Variants in DPRX observed in about 807,000 individuals in gnomAD.
DPRX encodes divergent-paired related homeobox, also known as divergent paired-related homeobox.
Under a neutral mutation model 8.4 loss-of-function variants are expected in DPRX, and 11 were observed. That is an observed-to-expected ratio of 1.31 (90% CI 0.82 to 2.17). The LOEUF is 2.17. DPRX is among the 30% of genes most tolerant of loss of function. DPRX has a pLI of 0.00. For synonymous variants in DPRX, 72 were observed against 87.0 expected, an observed-to-expected ratio of 0.83 and a Z score of 0.96; for missense variants, 211 against 236.7, an observed-to-expected ratio of 0.89 and a Z score of 0.71.
chr19:53,619,689 A>C, the DPRX span, among the ~76,000 whole-genome samples: 1 of 136,742 alleles, frequency 7.3e-6, no homozygotes, highest in Non-Finnish European at 1.7e-5. Context: ...AAAAAAAAAA[A>C]CAAAAAACAG....
At chr19:53,635,065 C>T (rs183009679) in intron 2 of DPRX, among the ~76,000 whole-genome samples, 20 of 152,200 alleles carry the variant, frequency 1.3e-4, no homozygotes, top group Admixed American at 9.2e-4. Context: ...CTCGACCTCC[C>T]GGGCTCAAGC....
the DPRX span, among the ~76,000 whole-genome samples, chr19:53,605,812 G>A: frequency 8.7e-4 from 132 of 151,964 alleles, no homozygotes; most frequent in East Asian, 3.9e-3. Context: ...CTACAGGCAC[G>A]TTCCAGCATG....
chr19:53,627,257 T>G (rs542065888), upstream of DPRX, among the ~76,000 whole-genome samples: 1 of 152,140 alleles, frequency 6.6e-6, no homozygotes, highest in African/African-American at 2.4e-5. Context: ...TAAACTTTGT[T>G]CATTCAAGTC....
At chr19:53,631,066 C>T (rs1414712098), upstream of DPRX, among the ~76,000 whole-genome samples, 1 of 151,838 alleles carries the variant, frequency 6.6e-6, no homozygotes, top group Non-Finnish European at 1.5e-5. Context: ...AGGCTGGTCT[C>T]GAACTCCTGA....
At chr19:53,635,932 CCT>C (rs2091110245) in intron 2 of DPRX, among the ~76,000 whole-genome samples, 3 of 152,232 alleles carry the variant, frequency 2.0e-5, no homozygotes, top group East Asian at 3.9e-4. Context: ...TTTTCTGACC[CCT>C]GTCTCAATTT....
the DPRX span, among the ~76,000 whole-genome samples, chr19:53,624,829 C>CAAAA: frequency 1.1e-5 from 1 of 87,530 alleles, no homozygotes; most frequent in Non-Finnish European, 2.2e-5. Context: ...GCGACAGTCA[C>CAAAA]AAAAAAAAAA....
chr19:53,614,328 C>T, the DPRX span, among the ~76,000 whole-genome samples: 18 of 152,108 alleles, frequency 1.2e-4, no homozygotes, highest in African/African-American at 4.1e-4. Context: ...AAGGAAGGAT[C>T]CCTTGAGCCT....
intron 1 of DPRX, 133 bp from the exon 2 acceptor site, chr19:53,634,398 T>C (rs2091104541): frequency 3.4e-6 from 4 of 1,174,368 alleles, no homozygotes; most frequent in Non-Finnish European, 4.7e-6. Flanking sequence ...GCCACTGCAC[T>C]CCAGCCTCGG....
intron 2 of DPRX, among the ~76,000 whole-genome samples, chr19:53,635,932 C>A (rs367756502): frequency 2.6e-5 from 4 of 152,114 alleles, no homozygotes; most frequent in Admixed American, 2.6e-4. Context: ...TTTTCTGACC[C>A]CTGTCTCAAT....
At chr19:53,635,905 C>T (rs10401357) in intron 2 of DPRX, among the ~76,000 whole-genome samples, 50,011 of 151,924 alleles carry the variant, frequency 0.33, 8,396 homozygotes, top group East Asian at 0.43. Flanking sequence ...CCTTGCTCTC[C>T]TATCCCCTGC....
chr19:53,622,000 AT>A, the DPRX span, among the ~76,000 whole-genome samples: 18 of 152,046 alleles, frequency 1.2e-4, 1 homozygote, highest in Admixed American at 4.6e-4. Context: ...CCAGTACTTC[AT>A]TTTTTGTAAC....
chr19:53,623,370 G>A, the DPRX span, among the ~76,000 whole-genome samples: 1 of 151,914 alleles, frequency 6.6e-6, no homozygotes, highest in Non-Finnish European at 1.5e-5. Flanking sequence ...TGGGCATGGT[G>A]GCTCACGCCT....
At position 53,636,163 on chromosome 19, in the gene DPRX, C is replaced by T. The variant is rs550461001; in HGVS notation, c.184-433C>T. Among the ~76,000 whole-genome samples the T allele has an allele frequency of 1.5e-4, 23 of 151,984 alleles. No homozygotes were observed. The East Asian group carries it at 2.9e-3, about 19-fold the overall frequency. Reference sequence around the variant, plus strand: ...TGGGCGGATCATGAGGTCAGGAGTTCGAGACCAGCCTGGCCAATATGGTGA... The same window carrying T: ...TGGGCGGATCATGAGGTCAGGAGTTTGAGACCAGCCTGGCCAATATGGTGA... On this transcript the variant is annotated intron_variant, in intron 2 of 2. Coordinates refer to ENST00000376650, the Ensembl canonical transcript of DPRX.
At chr19:53,615,470 G>A in the DPRX span, among the ~76,000 whole-genome samples, 2 of 148,142 alleles carry the variant, frequency 1.4e-5, no homozygotes, top group African/African-American at 5.0e-5. Flanking sequence ...TAGCAGAGAC[G>A]GGGTTTTGCC....
the DPRX span, chr19:53,603,431 C>T: frequency 1.9e-4 from 88 of 456,434 alleles, 1 homozygote; most frequent in African/African-American, 1.3e-3. Flanking sequence ...ACAGACTCGC[C>T]GGAGTGCTGG....
the DPRX span, chr19:53,617,219 C>T: frequency 0.19 from 162,355 of 841,624 alleles, 16,947 homozygotes; most frequent in South Asian, 0.27. Flanking sequence ...CTAGAGTATT[C>T]GTGAGAATGA....
intron 1 of DPRX, among the ~76,000 whole-genome samples, chr19:53,632,993 T>C (rs1461117696): frequency 6.6e-6 from 1 of 152,112 alleles, no homozygotes; most frequent in Non-Finnish European, 1.5e-5. Flanking sequence ...TCAGGCATGA[T>C]GCGATTCAGA....
chr19:53,626,510 C>T, the DPRX span, among the ~76,000 whole-genome samples: 42 of 152,304 alleles, frequency 2.8e-4, 1 homozygote, highest in African/African-American at 1.0e-3. Flanking sequence ...GCTGGGATCA[C>T]AGCACTGCAC....
At chr19:53,602,129 G>A in the DPRX span, 13 of 456,530 alleles carry the variant, frequency 2.8e-5, no homozygotes, top group Middle Eastern at 3.2e-4. Flanking sequence ...TGGGCCAATG[G>A]GCCAATACCA....
Sources: allele counts gnomAD v4.1 joint callset (sites outside exome capture counted in the v4.1 genomes callset), GRCh38; gene constraint gnomAD v4.1.1; transcripts MANE v1.5; gene names NCBI Gene and HGNC (gene_info 2026-07-23, HGNC 2026-07-21).